CNTN5: variants seen among roughly 807,000 people sequenced by gnomAD.
The protein encoded by CNTN5 is contactin 5.
In CNTN5, 77 loss-of-function variants were observed where a neutral mutation model predicts 129.1. That is an observed-to-expected ratio of 0.60 (90% CI 0.50 to 0.72). The LOEUF (loss-of-function observed/expected upper bound fraction) is 0.72. Among genes scored for constraint, CNTN5 ranks in the 30% least tolerant of loss-of-function variants. The probability of loss-of-function intolerance (pLI) is 0.00; values close to 1 mark genes in which losing one functional copy is unlikely to be tolerated. For missense variants in CNTN5, 1,478 were observed against 1,328.8 expected, an observed-to-expected ratio of 1.11 and a Z score of -1.75; for synonymous variants, 509 against 465.6, an observed-to-expected ratio of 1.09 and a Z score of -1.20.
chr11:99,143,500 A>G (rs1432111300), intron 1 of CNTN5, among the ~76,000 whole-genome samples: 3 of 149,550 alleles, frequency 2.0e-5, no homozygotes, highest in Non-Finnish European at 3.0e-5. Context: ...TTTTTTGTAT[A>G]TGACAATGGG....
chr11:100,082,368 A>T (rs921023093), intron 13 of CNTN5, among the ~76,000 whole-genome samples: 3 of 152,090 alleles, frequency 2.0e-5, no homozygotes, highest in Non-Finnish European at 4.4e-5. Flanking sequence ...TGCAACCTCG[A>T]CCTTCCAGGG....
chr11:99,965,174 G>A (rs998231269), intron 8 of CNTN5, among the ~76,000 whole-genome samples: 2 of 152,196 alleles, frequency 1.3e-5, no homozygotes, highest in African/African-American at 2.4e-5. Context: ...ATTCTGCTCT[G>A]ATCTTAGTTA....
At position 99,452,390 on chromosome 11, in the gene CNTN5, T is replaced by TTTTTTG. The variant is rs1005509594; in HGVS notation, c.-70-103755_-70-103754insTTTTTG. The stretch of plus-strand genomic sequence containing the variant: ...CACAGGTGTTTTTTTTTTTTTTTTT[T>TTTTTTG]GGGACGGAGTCTGGTTCTGTCACCT... On this transcript the variant is annotated intron_variant, in intron 2 of 24. Coordinates refer to ENST00000524871, the MANE Select transcript of CNTN5 (RefSeq NM_014361.4). Among the ~76,000 whole-genome samples, 7 of 139,952 alleles carry TTTTTTG rather than the reference T, an allele frequency of 5.0e-5. No homozygotes were observed. In the East Asian group the frequency reaches 8.6e-4, roughly 17 times the overall value. The allele number at this position is 139,952 out of a possible 152,430, so 91.8% of individuals were successfully genotyped here.
At chr11:100,079,074 A>G (rs118178307) in intron 13 of CNTN5, among the ~76,000 whole-genome samples, 3,196 of 152,086 alleles carry the variant, frequency 0.021, 47 homozygotes, top group Non-Finnish European at 0.033. Context: ...CATCAGATCT[A>G]TGAGAACTCA....
chr11:99,252,345 A>G (rs566888037), intron 1 of CNTN5, among the ~76,000 whole-genome samples: 1 of 152,120 alleles, frequency 6.6e-6, no homozygotes, highest in Non-Finnish European at 1.5e-5. Flanking sequence ...AAACACACAA[A>G]CAAAAAACAC....
chr11:100,313,519 A>C (rs907603439), intron 21 of CNTN5, among the ~76,000 whole-genome samples: 1 of 152,070 alleles, frequency 6.6e-6, no homozygotes, highest in African/African-American at 2.4e-5. Flanking sequence ...AGTTCTATTT[A>C]ATCACATTGA....
At chr11:99,409,531 CT>C (rs969858139) in intron 2 of CNTN5, among the ~76,000 whole-genome samples, 2 of 152,148 alleles carry the variant, frequency 1.3e-5, no homozygotes, top group Non-Finnish European at 2.9e-5. Flanking sequence ...TGATACAAAA[CT>C]TTTTGAGAGG....
At chr11:99,146,922 A>G (rs1328012954) in intron 1 of CNTN5, among the ~76,000 whole-genome samples, 1 of 152,016 alleles carries the variant, frequency 6.6e-6, no homozygotes, top group Non-Finnish European at 1.5e-5. Context: ...GGTTTTCACC[A>G]TGTTTCCCAT....
At chr11:99,066,826 C>T (rs1865123253) in intron 1 of CNTN5, among the ~76,000 whole-genome samples, 1 of 152,118 alleles carries the variant, frequency 6.6e-6, no homozygotes, top group African/African-American at 2.4e-5. Flanking sequence ...ATACTAAGTT[C>T]CACAGCAGGA....
At chr11:99,984,646 G>T (rs996899281) in intron 8 of CNTN5, among the ~76,000 whole-genome samples, 2 of 152,028 alleles carry the variant, frequency 1.3e-5, no homozygotes, top group African/African-American at 4.8e-5. Context: ...ATTTTAGTAT[G>T]CATATGATCT....
At chr11:100,055,030 A>T (rs933171079) in intron 9 of CNTN5, among the ~76,000 whole-genome samples, 88 of 64,242 alleles carry the variant, frequency 1.4e-3, no homozygotes, top group East Asian at 0.01. Flanking sequence ...CCGTAGCCTA[A>T]AAAAAAAAAA....
At chr11:99,632,009 AG>A (rs1431991144) in intron 3 of CNTN5, among the ~76,000 whole-genome samples, 3 of 152,162 alleles carry the variant, frequency 2.0e-5, no homozygotes, top group African/African-American at 7.2e-5. Context: ...ACTTTATCAT[AG>A]GAAGAACATA....
chr11:99,422,221 T>G (rs1942918547), intron 2 of CNTN5, among the ~76,000 whole-genome samples: 2 of 152,164 alleles, frequency 1.3e-5, no homozygotes, highest in African/African-American at 4.8e-5. Flanking sequence ...GTGGCAGTCA[T>G]AAAATCATCA....
chr11:99,255,983 A>G (rs963054430), intron 1 of CNTN5, among the ~76,000 whole-genome samples: 5 of 152,110 alleles, frequency 3.3e-5, no homozygotes, highest in Admixed American at 6.6e-5. Context: ...ATCTATAAAG[A>G]ATTTGGGAGC....
intron 13 of CNTN5, among the ~76,000 whole-genome samples, chr11:100,168,816 A>T (rs1947733950): frequency 6.6e-6 from 1 of 151,950 alleles, no homozygotes; most frequent in Non-Finnish European, 1.5e-5. Context: ...AAAGTAAATT[A>T]AAAACGTTCT....
intron 7 of CNTN5, among the ~76,000 whole-genome samples, chr11:99,956,321 T>C (rs906163369): frequency 1.7e-4 from 26 of 152,200 alleles, no homozygotes; most frequent in African/African-American, 5.5e-4. Flanking sequence ...GGGATGTGTG[T>C]AGAGAACATT....
intron 8 of CNTN5, among the ~76,000 whole-genome samples, chr11:99,992,135 A>G (rs1479977224): frequency 6.6e-6 from 1 of 152,268 alleles, no homozygotes; most frequent in African/African-American, 2.4e-5. Flanking sequence ...GAAAATGATC[A>G]GCTAAACCTT....
At chr11:99,717,880 A>G (rs138711120) in intron 3 of CNTN5, among the ~76,000 whole-genome samples, 1 of 152,270 alleles carries the variant, frequency 6.6e-6, no homozygotes, top group Admixed American at 6.5e-5. Context: ...TTCAAAGAAG[A>G]TTATAGTTAG....
intron 3 of CNTN5, among the ~76,000 whole-genome samples, chr11:99,717,571 A>G (rs1943019977): frequency 6.6e-6 from 1 of 152,054 alleles, no homozygotes; most frequent in African/African-American, 2.4e-5. Context: ...TAAATTTTTT[A>G]ATTAAACAGG....
Sources: gnomAD v4.1 joint callset for allele counts (sites outside exome capture counted in the v4.1 genomes callset) on GRCh38, gnomAD v4.1.1 for gene constraint, MANE v1.5 for transcripts, NCBI Gene and HGNC (gene_info 2026-07-23, HGNC 2026-07-21) for gene names.